Variants in HPSE2 observed in about 807,000 individuals in gnomAD.
HPSE2 encodes heparanase 2 (inactive).
A neutral mutation model predicts 60.5 loss-of-function variants in HPSE2; 38 were observed. The observed-to-expected ratio is 0.63, with a 90% CI of 0.48 to 0.82. The LOEUF (loss-of-function observed/expected upper bound fraction) is 0.82. Among genes scored for constraint, HPSE2 ranks in the 40% least tolerant of loss-of-function variants. The pLI is 0.00. For missense variants in HPSE2, 713 were observed against 740.4 expected (o/e 0.96, Z 0.43); for synonymous variants, 295 against 293.2 (o/e 1.01, Z -0.06).
intron 9 of HPSE2, among the ~76,000 whole-genome samples, chr10:98,582,068 A>G (rs1481077252): frequency 6.6e-6 from 1 of 152,156 alleles, no homozygotes; most frequent in African/African-American, 2.4e-5. Flanking sequence ...TCCTAATGGT[A>G]CTACATCCTC....
chr10:99,136,920 G>A (rs185297970), intron 3 of HPSE2, among the ~76,000 whole-genome samples: 31 of 152,258 alleles, frequency 2.0e-4, no homozygotes, highest in African/African-American at 4.1e-4. Context: ...GAAATAAAGC[G>A]TATTCAAATA....
chr10:99,118,051 A>G (rs186197767), intron 3 of HPSE2, among the ~76,000 whole-genome samples: 50 of 152,368 alleles, frequency 3.3e-4, no homozygotes, highest in African/African-American at 1.2e-3. Flanking sequence ...ACAATCAAGT[A>G]AGCTTTATTT....
At chr10:99,163,748 T>A (rs929686258) in intron 2 of HPSE2, among the ~76,000 whole-genome samples, 1 of 152,130 alleles carries the variant, frequency 6.6e-6, no homozygotes, top group Non-Finnish European at 1.5e-5. Context: ...TGTGATAATT[T>A]CTTGGTCTTT....
At chr10:98,517,772 GA>G (rs1942650388) in intron 9 of HPSE2, among the ~76,000 whole-genome samples, 1 of 152,278 alleles carries the variant, frequency 6.6e-6, no homozygotes, top group South Asian at 2.1e-4. Context: ...AAATTCCAGT[GA>G]AAACTTTTAT....
the HPSE2 span, among the ~76,000 whole-genome samples, chr10:99,283,202 AAAAAAAAAAAAAAAC>A: frequency 1.3e-3 from 35 of 26,560 alleles, no homozygotes; most frequent in Non-Finnish European, 1.2e-3. Flanking sequence ...AAAAAAAAAA[AAAAAAAAAAAAAAAC>A]AGAAGGATTT....
At chr10:99,300,330 C>T in the HPSE2 span, among the ~76,000 whole-genome samples, 3 of 152,258 alleles carry the variant, frequency 2.0e-5, no homozygotes, top group East Asian at 3.9e-4. Flanking sequence ...CCACTGGACA[C>T]CTTACAATCT....
chr10:99,089,052 T>C (rs1235843855), intron 3 of HPSE2, among the ~76,000 whole-genome samples: 2 of 152,216 alleles, frequency 1.3e-5, no homozygotes, highest in African/African-American at 4.8e-5. Context: ...CTGATTTGTT[T>C]GAGTTCCTTG....
chr10:98,674,439 T>C (rs926865566), intron 6 of HPSE2, among the ~76,000 whole-genome samples: 4 of 152,224 alleles, frequency 2.6e-5, no homozygotes, highest in Non-Finnish European at 5.9e-5. Context: ...TAAAAAGCAC[T>C]GAGAACTTGA....
chr10:98,809,059 ACT>A (rs1325477617), intron 3 of HPSE2, among the ~76,000 whole-genome samples: 1 of 152,062 alleles, frequency 6.6e-6, no homozygotes, highest in Non-Finnish European at 1.5e-5. Context: ...TTCCCAGGTG[ACT>A]CTTTTTTCAG....
At chr10:99,172,905 G>A (rs914909959) in intron 2 of HPSE2, among the ~76,000 whole-genome samples, 7 of 151,998 alleles carry the variant, frequency 4.6e-5, no homozygotes, top group Non-Finnish European at 1.0e-4. Flanking sequence ...AAAGAAGAAA[G>A]GGAATGAAGT....
At chr10:99,077,944 C>T (rs1266324820) in intron 3 of HPSE2, among the ~76,000 whole-genome samples, 1 of 152,068 alleles carries the variant, frequency 6.6e-6, no homozygotes, top group Non-Finnish European at 1.5e-5. Flanking sequence ...ATGCCCTACT[C>T]ACAGTAATGA....
chr10:99,263,052 G>A, the HPSE2 span, among the ~76,000 whole-genome samples: 1 of 152,208 alleles, frequency 6.6e-6, no homozygotes, highest in African/African-American at 2.4e-5. Context: ...TGACCTTACT[G>A]TTTTAAGCTG....
chr10:98,913,335 T>C (rs1396155862), intron 3 of HPSE2, among the ~76,000 whole-genome samples: 2 of 152,206 alleles, frequency 1.3e-5, no homozygotes, highest in African/African-American at 4.8e-5. Flanking sequence ...AACTTGGGTA[T>C]TGTACATATT....
chr10:98,815,434 G>A (rs1951264051), intron 3 of HPSE2, among the ~76,000 whole-genome samples: 1 of 152,228 alleles, frequency 6.6e-6, no homozygotes. Context: ...ACAGAGCCAA[G>A]AAGCTGAATA....
At chr10:99,199,353 T>C (rs1848502209) in intron 2 of HPSE2, among the ~76,000 whole-genome samples, 2 of 152,132 alleles carry the variant, frequency 1.3e-5, no homozygotes, top group Admixed American at 6.5e-5. Context: ...AAATAATAGC[T>C]ATCCTAACAG....
intron 2 of HPSE2, among the ~76,000 whole-genome samples, chr10:99,181,091 A>C (rs1469396320): frequency 1.3e-5 from 2 of 152,028 alleles, no homozygotes; most frequent in Non-Finnish European, 2.9e-5. Context: ...AAGGATTATA[A>C]ATCATTCTAC....
intron 1 of HPSE2, among the ~76,000 whole-genome samples, chr10:99,232,858 CG>C (rs1849707661): frequency 6.6e-6 from 1 of 152,254 alleles, no homozygotes; most frequent in South Asian, 2.1e-4. Flanking sequence ...CGCAGTTGCC[CG>C]GCTTCTGCCA....
At chr10:99,127,577 G>T (rs763595003) in intron 3 of HPSE2, among the ~76,000 whole-genome samples, 2 of 152,212 alleles carry the variant, frequency 1.3e-5, no homozygotes, top group East Asian at 3.8e-4. Context: ...TTATTTGAGG[G>T]ACTAATTGGA....
intron 3 of HPSE2, among the ~76,000 whole-genome samples, chr10:98,883,648 A>T (rs1953086470): frequency 6.6e-6 from 1 of 151,956 alleles, no homozygotes; most frequent in Non-Finnish European, 1.5e-5. Flanking sequence ...TACAAAATAC[A>T]AATAAATTAG....
Sources: allele counts gnomAD v4.1 joint callset (sites outside exome capture counted in the v4.1 genomes callset), GRCh38; gene constraint gnomAD v4.1.1; transcripts MANE v1.5; gene names NCBI Gene and HGNC (gene_info 2026-07-23, HGNC 2026-07-21).